Variants in CD109 observed in about 807,000 individuals in gnomAD.
The protein encoded by CD109 is CD109 antigen.
In CD109, 149 loss-of-function variants were observed where a neutral mutation model predicts 165.8. The ratio of observed to expected loss-of-function variants is 0.90; its 90% CI spans 0.79 to 1.03. The LOEUF is 1.03. CD109 is among the 50% of genes least tolerant of loss of function. The pLI is 0.00. For synonymous variants in CD109, 585 were observed against 592.1 expected (o/e 0.99, Z 0.18); for missense variants, 1,712 against 1,677.8 (o/e 1.02, Z -0.36).
chr6:73,758,643 C>G (rs189954820), intron 6 of CD109, among the ~76,000 whole-genome samples: 2 of 152,178 alleles, frequency 1.3e-5, no homozygotes, highest in South Asian at 4.2e-4. Flanking sequence ...CTCTGCCTCC[C>G]GAGTTCTAGA....
rs1770936533 is a variant in CD109 at position 73,698,401 on chromosome 6, T to G, written c.247+829T>G. On this transcript the variant is annotated intron_variant, in intron 2 of 32. Transcript: ENST00000287097. Reference sequence around the variant, plus strand: ...GCTCTCACCATGTTGCCCAGGCTGGTCTCGAACTCCTAAGTTCAAGTGATC... The same window carrying G: ...GCTCTCACCATGTTGCCCAGGCTGGGCTCGAACTCCTAAGTTCAAGTGATC... Among the ~76,000 whole-genome samples, 3 of 152,134 alleles carry G rather than the reference T, an allele frequency of 2.0e-5. No individual in the cohort carries two copies. The South Asian group carries it at 6.2e-4, about 32-fold the overall frequency.
Position 73,818,393 on chromosome 6 carries a change from C to T in CD109, c.3917C>T (p.Ser1306Leu), listed in dbSNP as rs145226131. 4.7e-5 allele frequency: 76 copies of T among 1,613,680 alleles called. No homozygotes were observed. The South Asian group carries it at 4.7e-4, about 10-fold the overall frequency. The stretch of plus-strand genomic sequence containing the variant: ...ATCCTCCCTCTTTGATTTAGCTTTT[C>T]GGGCCCGGGTAGGAGTGGCATGGCT... Reference protein sequence around the residue: ...HVDLNVCTSFSGPGRSGMALM... With the variant: ...HVDLNVCTSFLGPGRSGMALM... Residue 1306 changes from serine to leucine, a missense_variant, in exon 31 of 33, where the codon TCG becomes TTG. Physicochemically the swap from Ser to Leu is moderately radical, Grantham distance 145 (BLOSUM62 -2). Coordinates refer to ENST00000287097, the MANE Select transcript of CD109 (RefSeq NM_133493.5).
At chr6:73,736,539 G>A (rs374844504) in intron 5 of CD109, 31 bp downstream of exon 5, 14 of 1,591,346 alleles carry the variant, frequency 8.8e-6, no homozygotes, top group African/African-American at 1.4e-5. Flanking sequence ...TGGGGGGAAT[G>A]TTAAAGTGAT....
intron 19 of CD109, among the ~76,000 whole-genome samples, chr6:73,784,094 A>C (rs1208708657): frequency 1.3e-5 from 2 of 152,200 alleles, no homozygotes; most frequent in Non-Finnish European, 2.9e-5. Flanking sequence ...AGGCCAGAAG[A>C]GAGAGAAAGA....
At chr6:73,774,054 T>A (rs754161338) in intron 15 of CD109, among the ~76,000 whole-genome samples, 2 of 152,380 alleles carry the variant, frequency 1.3e-5, no homozygotes, top group Non-Finnish European at 2.9e-5. Flanking sequence ...TCAGCTATTA[T>A]GTTTTTAATA....
intron 7 of CD109, among the ~76,000 whole-genome samples, chr6:73,761,507 C>T (rs1773628968): frequency 6.6e-6 from 1 of 152,048 alleles, no homozygotes; most frequent in Admixed American, 6.6e-5. Context: ...TTTCAAGGAT[C>T]ACCATTTATT....
the CD109 span, among the ~76,000 whole-genome samples, chr6:73,686,838 C>A: frequency 6.6e-6 from 1 of 152,048 alleles, no homozygotes; most frequent in Admixed American, 6.6e-5. Flanking sequence ...ATTACAGGTG[C>A]CTGCTGCCAT....
rs776283119 is a variant in CD109 at position 73,783,741 on chromosome 6, C to T, written c.2140C>T (p.Pro714Ser). Residue 714 changes from proline (P) to serine (S), a missense_variant, in exon 19 of 33, where the codon CCT becomes TCT. Physicochemically the swap from Pro to Ser is moderately conservative, Grantham distance 74. Coordinates refer to ENST00000287097, the MANE Select transcript of CD109 (RefSeq NM_133493.5). ...TTACCAAGAATTTGAAGTAACTGTA[C>T]CTGATTCTATCACTTCTTGGGTGGC... ...RIYQEFEVTV[P>S]DSITSWVATG... The T allele has an allele frequency of 6.2e-7, 1 of 1,612,210 alleles. No individual in the cohort carries two copies. The highest frequency in any genetic ancestry group is 8.5e-7 in the Non-Finnish European group (1 of 1,178,512).
chr6:73,714,776 A>G (rs1402341649), intron 2 of CD109, among the ~76,000 whole-genome samples: 1 of 152,234 alleles, frequency 6.6e-6, no homozygotes, highest in Non-Finnish European at 1.5e-5. Flanking sequence ...TTCTAAGAGA[A>G]ACTTCATGGA....
chr6:73,787,316 C>T lies in CD109; in HGVS notation c.2420C>T (p.Thr807Ile), dbSNP rs1774734579. 1.9e-6 allele frequency: 3 copies of T among 1,613,500 alleles called. No individual in the cohort carries two copies. In the African/African-American group the frequency reaches 4.0e-5, roughly 22 times the overall value. Reference sequence around the variant, plus strand: ...ATAAATGCCACAGGCCACCAGCAGACCCTTCTGGTTCCCAGTGAGGATGGG... The same window carrying T: ...ATAAATGCCACAGGCCACCAGCAGATCCTTCTGGTTCCCAGTGAGGATGGG... ...NEINATGHQQ[T>I]LLVPSEDGAT... is the part of the protein sequence containing the mutation. Residue 807 changes from threonine (T) to isoleucine (I), a missense_variant, in exon 21 of 33, where the codon ACC becomes ATC. By Grantham distance (89) the Thr-to-Ile change is moderately conservative. Coordinates refer to ENST00000287097, the MANE Select transcript of CD109 (RefSeq NM_133493.5).
chr6:73,803,525 T>TTGTG (rs147157413), intron 24 of CD109, among the ~76,000 whole-genome samples: 1 of 151,128 alleles, frequency 6.6e-6, no homozygotes, highest in African/African-American at 2.4e-5. Context: ...ATCCTCTTTT[T>TTGTG]TGTGTGTGTG....
chr6:73,791,361 C>A (rs1274321746), intron 22 of CD109, among the ~76,000 whole-genome samples: 1 of 150,902 alleles, frequency 6.6e-6, no homozygotes, highest in African/African-American at 2.4e-5. Context: ...CTGTGCCTGG[C>A]CAATTCTTAA....
intron 5 of CD109, among the ~76,000 whole-genome samples, chr6:73,749,377 T>C (rs1773101157): frequency 6.6e-6 from 1 of 152,132 alleles, no homozygotes. Context: ...TGGAGGGGAC[T>C]GTAGGATTTG....
At chr6:73,698,281 G>A (rs1468028000) in intron 2 of CD109, among the ~76,000 whole-genome samples, 2 of 152,082 alleles carry the variant, frequency 1.3e-5, no homozygotes, top group Non-Finnish European at 2.9e-5. Context: ...GGAGGAAGAG[G>A]TAAATACTTA....
intron 22 of CD109, among the ~76,000 whole-genome samples, chr6:73,790,383 A>G (rs1181014560): frequency 1.3e-5 from 2 of 152,236 alleles, no homozygotes; most frequent in Non-Finnish European, 2.9e-5. Flanking sequence ...GGCATGAGCC[A>G]TTGCGCCCAG....
chr6:73,761,645 C>G (rs2150222781), intron 7 of CD109, among the ~76,000 whole-genome samples: 1 of 152,002 alleles, frequency 6.6e-6, no homozygotes, highest in Non-Finnish European at 1.5e-5. Context: ...CCTCAGCCTC[C>G]AAGTAGCTGG....
At position 73,766,112 on chromosome 6, in the gene CD109, TGAATTCCCAATCCTG is replaced by T. The variant is rs1305687951; in HGVS notation, c.1293_1307del (p.Phe432_Glu436del). The T allele has an allele frequency of 6.2e-7, 1 of 1,614,090 alleles. No individual in the cohort carries two copies. Among genetic ancestry groups the T allele is most frequent in the African/African-American group, 1.3e-5 (1 of 75,042 alleles). Reference sequence around the variant, plus strand: ...TCCCCCAAAGTGGAACTTTTAAGATTGAATTCCCAATCCTGGAGGATTCCAGTGAGCTACAGTTGA... The same window carrying T: ...TCCCCCAAAGTGGAACTTTTAAGATTGAGGATTCCAGTGAGCTACAGTTGA... On this transcript the variant is annotated inframe_deletion, in exon 11 of 33. Transcript: ENST00000287097.
In CD109 at chr6:73,715,777, G is replaced by T. The variant is rs569205995; in HGVS notation, c.248-7474G>T. 8.5e-5 allele frequency among the ~76,000 whole-genome samples: 13 copies of T among 152,106 alleles called. 1 individual carries two copies. The highest frequency in any genetic ancestry group is 4.4e-5 in the Non-Finnish European group (3 of 68,012). ...TGTCCTTTGTGTTACAAACAATCCA[G>T]TTATACTATTTTAGTTATTTAAAAA... On this transcript the variant is annotated intron_variant, in intron 2 of 32. Transcript: ENST00000287097.
intron 14 of CD109, among the ~76,000 whole-genome samples, chr6:73,771,020 C>A (rs528108089): frequency 6.6e-6 from 1 of 152,234 alleles, no homozygotes; most frequent in South Asian, 2.1e-4. Flanking sequence ...CTCTCCTTGC[C>A]TTCACTTCTG....
Sources: gnomAD v4.1 joint callset for allele counts (sites outside exome capture counted in the v4.1 genomes callset) on GRCh38, gnomAD v4.1.1 for gene constraint, MANE v1.5 for transcripts, NCBI Gene and HGNC (gene_info 2026-07-23, HGNC 2026-07-21) for gene names.